The following TNIP1 variants were observed in gnomAD, a reference collection of about 807,000 sequenced individuals.
TNIP1 encodes TNFAIP3 interacting protein 1, also known as TNFAIP3-interacting protein 1.
Under a neutral mutation model 86.6 loss-of-function variants are expected in TNIP1, and 22 were observed. The observed-to-expected ratio is 0.25, with a 90% CI of 0.18 to 0.36. The LOEUF is 0.36. Among genes scored for constraint, TNIP1 ranks in the 10% least tolerant of loss-of-function variants. TNIP1 has a pLI of 1.00. For synonymous variants in TNIP1, 294 were observed against 313.0 expected (o/e 0.94, Z 0.64); for missense variants, 709 against 820.6 (o/e 0.86, Z 1.66).
At chr5:151,076,521 T>C (rs1763412859) in intron 1 of TNIP1, among the ~76,000 whole-genome samples, 1 of 152,140 alleles carries the variant, frequency 6.6e-6, no homozygotes, top group Non-Finnish European at 1.5e-5. Context: ...ATTCTAAAGC[T>C]GGGAAACCAA....
At chr5:151,071,786 C>CCT (rs10700649) in intron 1 of TNIP1, among the ~76,000 whole-genome samples, 34,914 of 151,814 alleles carry the variant, frequency 0.23, 5,757 homozygotes, top group African/African-American at 0.48. Context: ...CCTCCCCTCC[C>CCT]GAGTCACCCA....
chr5:151,035,651 A>G lies in TNIP1; in HGVS notation c.1452T>C (p.Asn484=), dbSNP rs770827067. The change falls in exon 14 of 18, where the codon AAT becomes AAC. Residue 484 remains asparagine (N), a synonymous_variant. Coordinates refer to ENST00000521591, the MANE Select transcript of TNIP1 (RefSeq NM_006058.5). ...QRERSDRERM[N]EEKEELKKQV... The stretch of plus-strand genomic sequence containing the variant: ...GCTTCTTCAGCTCTTCCTTCTCCTC[A>G]TTCATGCGCTCACGATCACTGCGCT... 1.2e-5 allele frequency: 19 copies of G among 1,614,064 alleles called. No homozygotes were observed. The highest frequency in any genetic ancestry group is 8.9e-5 in the East Asian group (4 of 44,842).
intron 6 of TNIP1, among the ~76,000 whole-genome samples, chr5:151,054,133 G>T (rs1338598772): frequency 6.6e-6 from 1 of 152,230 alleles, no homozygotes; most frequent in Non-Finnish European, 1.5e-5. Flanking sequence ...GGTAGCAGGG[G>T]CTGATGTGGA....
At chr5:151,044,472 G>A (rs1456286758) in intron 9 of TNIP1, among the ~76,000 whole-genome samples, 1 of 152,032 alleles carries the variant, frequency 6.6e-6, no homozygotes, top group African/African-American at 2.4e-5. Context: ...TCAACAAACT[G>A]TAATCAGTTG....
At chr5:151,084,590 A>G (rs141891027), upstream of TNIP1, among the ~76,000 whole-genome samples, 10 of 152,352 alleles carry the variant, frequency 6.6e-5, no homozygotes, top group Non-Finnish European at 1.2e-4. Flanking sequence ...GAACCCAAGT[A>G]TCCTTCTCCC....
rs1410975764 is a variant in TNIP1 at position 151,060,373 on chromosome 5, A to T, written c.380T>A (p.Val127Glu). Residue 127 changes from valine (V) to glutamate (E), a missense_variant, in exon 5 of 18, where the codon GTG (valine) becomes GAG (glutamate). Transcript: ENST00000521591. Reference sequence around the variant, plus strand: ...TGAATTCTGCTCCTCAGGAGTGACCACTTCAAATTCAGAGGAGGTGCCCTG... The same window carrying T: ...TGAATTCTGCTCCTCAGGAGTGACCTCTTCAAATTCAGAGGAGGTGCCCTG... Reference protein sequence around the residue: ...PSSGTSSEFEVVTPEEQNSPE... With the variant: ...PSSGTSSEFEEVTPEEQNSPE... The T allele has an allele frequency of 1.2e-6, 2 of 1,614,148 alleles. No individual in the cohort carries two copies. Among genetic ancestry groups the T allele is most frequent in the South Asian group, 2.2e-5 (2 of 91,082 alleles).
chr5:151,076,965 GACC>G (rs973527586), intron 1 of TNIP1, among the ~76,000 whole-genome samples: 2 of 152,230 alleles, frequency 1.3e-5, no homozygotes, highest in Non-Finnish European at 2.9e-5. Flanking sequence ...ACACAGCATG[GACC>G]ACAAGTGGCA....
At chr5:151,081,639 A>G (rs1261062331), upstream of TNIP1, among the ~76,000 whole-genome samples, 1 of 152,196 alleles carries the variant, frequency 6.6e-6, no homozygotes, top group Non-Finnish European at 1.5e-5. Flanking sequence ...CTTTGCGTGC[A>G]TTATTTTCTT....
chr5:151,051,139 G>A (rs915843787), intron 7 of TNIP1, among the ~76,000 whole-genome samples: 2 of 152,022 alleles, frequency 1.3e-5, no homozygotes, highest in African/African-American at 4.8e-5. Context: ...GGGTCACTAG[G>A]GCTATAAAAA....
intron 17 of TNIP1, among the ~76,000 whole-genome samples, chr5:151,031,125 C>T (rs1024353869): frequency 6.6e-6 from 1 of 152,298 alleles, no homozygotes; most frequent in East Asian, 1.9e-4. Context: ...CCAAGGGGCT[C>T]CACTGAACTT....
chr5:151,058,573 C>A (rs1484590641), intron 5 of TNIP1, among the ~76,000 whole-genome samples: 1 of 152,186 alleles, frequency 6.6e-6, no homozygotes, highest in Non-Finnish European at 1.5e-5. Flanking sequence ...CTTTACCCTG[C>A]CTGAACCCAC....
chr5:151,045,561 T>C (rs1484814370), intron 9 of TNIP1, among the ~76,000 whole-genome samples: 1 of 152,198 alleles, frequency 6.6e-6, no homozygotes, highest in African/African-American at 2.4e-5. Context: ...TCACAACCTC[T>C]TTCCACCATC....
chr5:151,059,334 G>A (rs1761084480), intron 5 of TNIP1, among the ~76,000 whole-genome samples: 1 of 152,232 alleles, frequency 6.6e-6, no homozygotes, highest in African/African-American at 2.4e-5. Flanking sequence ...AGAACATAAA[G>A]AGCCTTTCCA....
intron 1 of TNIP1, among the ~76,000 whole-genome samples, chr5:151,071,373 C>T (rs1015340475): frequency 2.6e-5 from 4 of 152,016 alleles, no homozygotes; most frequent in South Asian, 2.1e-4. Flanking sequence ...TACACTAGGG[C>T]GAACATCTTA....
Position 151,055,196 on chromosome 5 carries a change from C to A in TNIP1, c.627+1570G>T, listed in dbSNP as rs548151407. On this transcript the variant is annotated intron_variant, in intron 6 of 17. Coordinates refer to ENST00000521591, the MANE Select transcript of TNIP1 (RefSeq NM_006058.5). ...AATACAACAGACATGGTGCCTGCCC[C>A]CCTCAAGCTTACCTTCTAGCAGAGA... Among the ~76,000 whole-genome samples the A allele has an allele frequency of 7.2e-5, 11 of 152,052 alleles. 1 individual carries two copies. In the South Asian group the frequency reaches 2.1e-3, roughly 29 times the overall value.
At chr5:151,052,379 GC>G in intron 6 of TNIP1, 120 bp from the exon 7 acceptor site, 2 of 792,258 alleles carry the variant, frequency 2.5e-6, no homozygotes, top group Non-Finnish European at 4.1e-6. Flanking sequence ...TATCCCCTTT[GC>G]CTGGCCTCAC....
Position 151,029,994 on chromosome 5 carries a change from T to C in TNIP1, c.*719A>G, listed in dbSNP as rs1423076348. ...TGTCCATGATTCGTGCAAATAGCTA[T>C]CCAGGGATGGACAGCCACCCTAATC... On this transcript the variant is annotated 3_prime_UTR_variant, in exon 18 of 18. Transcript: ENST00000521591. 2.2e-6 allele frequency: 1 copy of C among 449,620 alleles called. No individual in the cohort carries two copies. The highest frequency in any genetic ancestry group is 4.5e-6 in the Non-Finnish European group (1 of 221,208). 27.9% of individuals were successfully genotyped at this position (449,620 alleles called of 1,614,324 possible).
chr5:151,068,231 CAG>C (rs1762463804), intron 1 of TNIP1, among the ~76,000 whole-genome samples: 1 of 152,194 alleles, frequency 6.6e-6, no homozygotes, highest in Non-Finnish European at 1.5e-5. Flanking sequence ...AAGAGGGAAA[CAG>C]GGAATTTCCA....
intron 8 of TNIP1, among the ~76,000 whole-genome samples, chr5:151,047,389 T>C (rs1022083736): frequency 2.6e-5 from 4 of 152,064 alleles, no homozygotes; most frequent in African/African-American, 9.7e-5. Context: ...TTCAAGGTCA[T>C]GAAAAGCAAG....
Sources: allele counts gnomAD v4.1 joint callset (sites outside exome capture counted in the v4.1 genomes callset), GRCh38; gene constraint gnomAD v4.1.1; transcripts MANE v1.5; gene names NCBI Gene and HGNC (gene_info 2026-07-23, HGNC 2026-07-21).